Variants in ARHGAP23 observed in about 807,000 individuals in gnomAD.
ARHGAP23 encodes rho GTPase-activating protein 23.
ARHGAP23 carries 34 observed loss-of-function variants against 136.3 expected under a neutral mutation model. That is an observed-to-expected ratio of 0.25 (90% CI 0.19 to 0.33). ARHGAP23 has a LOEUF of 0.33. Among genes scored for constraint, ARHGAP23 ranks in the 10% least tolerant of loss-of-function variants. The probability of loss-of-function intolerance (pLI) is 1.00; values close to 1 mark genes in which losing one functional copy is unlikely to be tolerated. For missense variants in ARHGAP23, 1,808 were observed against 2,139.0 expected, an observed-to-expected ratio of 0.85 and a Z score of 3.05; for synonymous variants, 832 against 920.5, an observed-to-expected ratio of 0.90 and a Z score of 1.74.
At chr17:38,446,525 C>T (rs543063648) in intron 1 of ARHGAP23, among the ~76,000 whole-genome samples, 3 of 151,892 alleles carry the variant, frequency 2.0e-5, no homozygotes, top group Admixed American at 2.0e-4. Flanking sequence ...GGTGTACAAA[C>T]ATTTCTTCTA....
chr17:38,469,070 T>C (rs2039679930), intron 7 of ARHGAP23, 74 bp from the exon 8 acceptor site: 6 of 1,458,332 alleles, frequency 4.1e-6, no homozygotes, highest in Non-Finnish European at 4.6e-6. Context: ...GCACGGGGGC[T>C]GGCAAGGCTA....
chr17:38,421,215 A>G (rs2038517382), intron 1 of ARHGAP23, among the ~76,000 whole-genome samples: 1 of 152,142 alleles, frequency 6.6e-6, no homozygotes, highest in African/African-American at 2.4e-5. Flanking sequence ...ATCATTGGGA[A>G]GCCTTGGACA....
intron 16 of ARHGAP23, among the ~76,000 whole-genome samples, chr17:38,484,624 G>A (rs2144729615): frequency 6.6e-6 from 1 of 152,260 alleles, no homozygotes; most frequent in South Asian, 2.1e-4. Flanking sequence ...TGGCAGCTGG[G>A]AGATGAGAGG....
At chr17:38,423,240 T>C (rs1176359453) in intron 1 of ARHGAP23, among the ~76,000 whole-genome samples, 3 of 151,812 alleles carry the variant, frequency 2.0e-5, no homozygotes, top group Non-Finnish European at 4.4e-5. Context: ...TCACCCAGGC[T>C]GGAGTGCCGC....
chr17:38,462,755 ATT>A, intron 3 of ARHGAP23, 89 bp from the exon 4 acceptor site: 1 of 923,992 alleles, frequency 1.1e-6, no homozygotes, highest in Non-Finnish European at 1.6e-6. Context: ...GAGTGCAATC[ATT>A]CTCTGAGTGT....
At chr17:38,435,634 G>A (rs370225845) in intron 1 of ARHGAP23, among the ~76,000 whole-genome samples, 5 of 152,164 alleles carry the variant, frequency 3.3e-5, no homozygotes, top group Non-Finnish European at 7.4e-5. Context: ...ACAGAGTCTC[G>A]CTTTGTCACC....
intron 3 of ARHGAP23, among the ~76,000 whole-genome samples, chr17:38,461,177 G>A (rs573980690): frequency 3.8e-4 from 58 of 152,304 alleles, no homozygotes; most frequent in Admixed American, 1.6e-3. Context: ...ACAGAAGTTT[G>A]CTGAGCTCGG....
intron 22 of ARHGAP23, chr17:38,499,060 C>T (rs1039763996): frequency 2.1e-5 from 14 of 679,286 alleles, no homozygotes; most frequent in Middle Eastern, 3.8e-4. Flanking sequence ...GAGGACCCCA[C>T]GCTGACATGC....
At chr17:38,485,919 A>G in intron 16 of ARHGAP23, 143 bp from the exon 17 acceptor site, 2 of 707,896 alleles carry the variant, frequency 2.8e-6, no homozygotes, top group South Asian at 3.7e-5. Flanking sequence ...TTCTGCTGCC[A>G]CCATCCTGAT....
At chr17:38,471,480 CCACT>C (rs1305785128) in intron 10 of ARHGAP23, among the ~76,000 whole-genome samples, 5 of 152,222 alleles carry the variant, frequency 3.3e-5, no homozygotes, top group African/African-American at 1.2e-4. Flanking sequence ...ACTACCTGCT[CCACT>C]CACTCAGCCT....
chr17:38,463,468 T>C (rs2039509638), intron 6 of ARHGAP23, 86 bp downstream of exon 6: 1 of 1,483,576 alleles, frequency 6.7e-7, no homozygotes, highest in South Asian at 1.2e-5. Context: ...AGGAAGTGTT[T>C]GGAGGGCACA....
At chr17:38,467,791 A>T (rs1040592492) in intron 7 of ARHGAP23, among the ~76,000 whole-genome samples, 5 of 150,822 alleles carry the variant, frequency 3.3e-5, no homozygotes, top group Non-Finnish European at 7.4e-5. Flanking sequence ...CCATTCATCC[A>T]TCTTTCTTTC....
At chr17:38,497,164 T>A (rs2040410711) in intron 20 of ARHGAP23, among the ~76,000 whole-genome samples, 1 of 152,324 alleles carries the variant, frequency 6.6e-6, no homozygotes, top group African/African-American at 2.4e-5. Context: ...ATCTTCAAGA[T>A]TCTCAAATTT....
intron 2 of ARHGAP23, among the ~76,000 whole-genome samples, chr17:38,460,584 C>A (rs935140206): frequency 6.6e-6 from 1 of 152,122 alleles, no homozygotes; most frequent in South Asian, 2.1e-4. Flanking sequence ...TGACTGCCCG[C>A]GTCTTCTGTG....
At chr17:38,453,443 G>T (rs2039232495) in intron 1 of ARHGAP23, among the ~76,000 whole-genome samples, 1 of 142,340 alleles carries the variant, frequency 7.0e-6, no homozygotes, top group African/African-American at 2.7e-5. Context: ...GTGTGTGTGT[G>T]TGTGTGTGTG....
chr17:38,465,623 C>T (rs886210641), intron 6 of ARHGAP23, among the ~76,000 whole-genome samples: 5 of 152,246 alleles, frequency 3.3e-5, no homozygotes, highest in Admixed American at 3.3e-4. Context: ...CTCCTTCAAG[C>T]CTGGCAGGAG....
intron 11 of ARHGAP23, among the ~76,000 whole-genome samples, chr17:38,472,230 C>T (rs1030440860): frequency 1.3e-5 from 2 of 152,116 alleles, no homozygotes; most frequent in African/African-American, 2.4e-5. Context: ...TGGATCTGAT[C>T]GAGTCGTGCT....
intron 1 of ARHGAP23, among the ~76,000 whole-genome samples, chr17:38,422,940 C>A (rs902573066): frequency 6.6e-6 from 1 of 152,176 alleles, no homozygotes; most frequent in Non-Finnish European, 1.5e-5. Context: ...GTGCCCCACC[C>A]TCTCCCTCCT....
At chr17:38,448,993 A>AT (rs1245880027) in intron 1 of ARHGAP23, among the ~76,000 whole-genome samples, 1 of 150,824 alleles carries the variant, frequency 6.6e-6, no homozygotes, top group Non-Finnish European at 1.5e-5. Flanking sequence ...TAATTTTTAT[A>AT]TTTTTTGTAG....
Sources: allele counts gnomAD v4.1 joint callset (sites outside exome capture counted in the v4.1 genomes callset), GRCh38; gene constraint gnomAD v4.1.1; transcripts MANE v1.5; gene names NCBI Gene and HGNC (gene_info 2026-07-23, HGNC 2026-07-21).